Variants in MLLT3 observed in about 807,000 individuals in gnomAD.
MLLT3 encodes MLLT3 super elongation complex subunit.
In MLLT3, 4 loss-of-function variants were observed where a neutral mutation model predicts 53.2. The ratio of observed to expected loss-of-function variants is 0.08; its 90% confidence interval spans 0.04 to 0.17. The LOEUF (loss-of-function observed/expected upper bound fraction) is 0.17, where lower values mean the gene tolerates loss of function less well. Ranked by LOEUF, MLLT3 falls within the 10% of genes least tolerant of loss-of-function variation. The pLI is 1.00. For missense variants in MLLT3, 569 were observed against 684.0 expected (o/e 0.83, Z 1.87); for synonymous variants, 283 against 230.6 (o/e 1.23, Z -2.06).
intron 2 of MLLT3, among the ~76,000 whole-genome samples, chr9:20,576,640 G>A (rs569549194): frequency 4.3e-4 from 66 of 152,164 alleles, no homozygotes; most frequent in Admixed American, 1.6e-3. Flanking sequence ...ATATGGGCAC[G>A]CTTCATGGCA....
intron 4 of MLLT3, among the ~76,000 whole-genome samples, chr9:20,437,123 A>C (rs1305554673): frequency 6.6e-6 from 1 of 152,210 alleles, no homozygotes; most frequent in Non-Finnish European, 1.5e-5. Flanking sequence ...TTGCATTAAA[A>C]AAAAATCAAG....
At chr9:20,606,494 C>T (rs1417115280) in intron 2 of MLLT3, among the ~76,000 whole-genome samples, 2 of 152,052 alleles carry the variant, frequency 1.3e-5, no homozygotes, top group Non-Finnish European at 2.9e-5. Context: ...TTACATTATA[C>T]TCCATTTGAA....
rs569052607 is a variant in MLLT3, at chr9:20,555,198, C to G, written c.193+65456G>C. ...TCATCTAACTGACCCCACAAATCAT[C>G]TTAACCTAATCTTACACTGGATTCT... On this transcript the variant is annotated intron_variant, in intron 2 of 10. Coordinates refer to ENST00000380338, the MANE Select transcript of MLLT3 (RefSeq NM_004529.4). Among the ~76,000 whole-genome samples, 14 of 152,342 alleles carry G rather than the reference C, an allele frequency of 9.2e-5. No individual in the cohort carries two copies. The South Asian group carries it at 2.7e-3, about 29-fold the overall frequency.
chr9:20,545,146 T>C (rs970352525), intron 2 of MLLT3, among the ~76,000 whole-genome samples: 2 of 109,008 alleles, frequency 1.8e-5, no homozygotes, highest in African/African-American at 7.0e-5. Flanking sequence ...TTATTGACAA[T>C]AGCCAAGAGG....
At chr9:20,612,353 G>A (rs1820723471) in intron 2 of MLLT3, among the ~76,000 whole-genome samples, 1 of 152,122 alleles carries the variant, frequency 6.6e-6, no homozygotes, top group Non-Finnish European at 1.5e-5. Context: ...ACTCTTATTT[G>A]TATCTCCCTC....
At chr9:20,508,390 A>G (rs919895988) in intron 2 of MLLT3, among the ~76,000 whole-genome samples, 2 of 152,248 alleles carry the variant, frequency 1.3e-5, no homozygotes, top group Admixed American at 1.3e-4. Flanking sequence ...GAAAGTGTTT[A>G]CAGATGGTAG....
intron 2 of MLLT3, among the ~76,000 whole-genome samples, chr9:20,584,574 G>C (rs1002177624): frequency 6.6e-6 from 1 of 152,174 alleles, no homozygotes; most frequent in Admixed American, 6.5e-5. Flanking sequence ...GGAGGTGAAA[G>C]GCACTTCATA....
intron 2 of MLLT3, among the ~76,000 whole-genome samples, chr9:20,543,400 G>T (rs1181574945): frequency 2.0e-5 from 3 of 152,194 alleles, no homozygotes; most frequent in African/African-American, 7.2e-5. Flanking sequence ...AGTCTTACAT[G>T]GGTATGGCTT....
At chr9:20,478,033 C>A (rs1824568768) in intron 2 of MLLT3, among the ~76,000 whole-genome samples, 1 of 152,172 alleles carries the variant, frequency 6.6e-6, no homozygotes. Flanking sequence ...AGAGGTGGAT[C>A]AAGAGAAACA....
At chr9:20,400,390 GA>G (rs955393344) in intron 5 of MLLT3, among the ~76,000 whole-genome samples, 2 of 152,052 alleles carry the variant, frequency 1.3e-5, no homozygotes, top group African/African-American at 4.8e-5. Flanking sequence ...AAAATGTAGA[GA>G]AAAAAACTTA....
chr9:20,526,234 A>G (rs1222019188), intron 2 of MLLT3, among the ~76,000 whole-genome samples: 1 of 152,216 alleles, frequency 6.6e-6, no homozygotes, highest in Non-Finnish European at 1.5e-5. Flanking sequence ...GTGCAATGAT[A>G]ATAGGTATAC....
intron 2 of MLLT3, among the ~76,000 whole-genome samples, chr9:20,549,064 C>G (rs1488760662): frequency 6.6e-6 from 1 of 152,124 alleles, no homozygotes; most frequent in Non-Finnish European, 1.5e-5. Context: ...ATCCACACAC[C>G]CGGGCCTGCC....
chr9:20,579,935 A>C (rs2131173142), intron 2 of MLLT3, among the ~76,000 whole-genome samples: 1 of 152,326 alleles, frequency 6.6e-6, no homozygotes, highest in African/African-American at 2.4e-5. Flanking sequence ...CCCCAGGCAG[A>C]TTTTTGTAAG....
rs78486635 is a variant in MLLT3, at chr9:20,419,714, T to C, written c.421-5289A>G. Among the ~76,000 whole-genome samples the C allele has an allele frequency of 8.5e-5, 13 of 152,244 alleles. No individual in the cohort carries two copies. In the East Asian group the frequency reaches 1.9e-3, roughly 23 times the overall value. ...CCAAATATCCCACACACACAGTCTG[T>C]TGCGAAAGAAGTATTTGCCAAAATT... is the stretch of plus-strand genomic sequence containing the variant. On this transcript the variant is annotated intron_variant, in intron 4 of 10. Coordinates refer to ENST00000380338, the MANE Select transcript of MLLT3 (RefSeq NM_004529.4).
chr9:20,494,087 C>A (rs1437179687), intron 2 of MLLT3, among the ~76,000 whole-genome samples: 1 of 152,144 alleles, frequency 6.6e-6, no homozygotes, highest in Non-Finnish European at 1.5e-5. Flanking sequence ...CATTTATTAT[C>A]CTGGATAACA....
At chr9:20,472,166 C>T (rs1392192779) in intron 2 of MLLT3, among the ~76,000 whole-genome samples, 1 of 151,804 alleles carries the variant, frequency 6.6e-6, no homozygotes, top group Non-Finnish European at 1.5e-5. Context: ...TATGTTAAAA[C>T]CCAGATATTA....
chr9:20,348,274 C>T (rs572774259), intron 10 of MLLT3, among the ~76,000 whole-genome samples: 1 of 152,176 alleles, frequency 6.6e-6, no homozygotes, highest in East Asian at 1.9e-4. Context: ...AGCTGCCCAA[C>T]TACAATGTTT....
intron 2 of MLLT3, among the ~76,000 whole-genome samples, chr9:20,533,708 T>G (rs1818402745): frequency 6.6e-6 from 1 of 152,212 alleles, no homozygotes; most frequent in Non-Finnish European, 1.5e-5. Flanking sequence ...CAACAGAATA[T>G]TATTCAGTCA....
intron 2 of MLLT3, among the ~76,000 whole-genome samples, chr9:20,617,867 C>T (rs1218659572): frequency 6.6e-6 from 1 of 152,178 alleles, no homozygotes; most frequent in African/African-American, 2.4e-5. Flanking sequence ...AAATGGTATA[C>T]ATAATTCTCA....
Sources: gnomAD v4.1 joint callset for allele counts (sites outside exome capture counted in the v4.1 genomes callset) on GRCh38, gnomAD v4.1.1 for gene constraint, MANE v1.5 for transcripts, NCBI Gene and HGNC (gene_info 2026-07-23, HGNC 2026-07-21) for gene names.